OGG1: variants seen among roughly 807,000 people sequenced by gnomAD.
OGG1 encodes N-glycosylase/DNA lyase.
A neutral mutation model predicts 42.3 loss-of-function variants in OGG1; 35 were observed. That is an observed-to-expected ratio of 0.83 (90% CI 0.63 to 1.10). The LOEUF (loss-of-function observed/expected upper bound fraction) is 1.10, where lower values mean the gene tolerates loss of function less well. Among genes scored for constraint, OGG1 ranks in the 50% least tolerant of loss-of-function variants. The probability of loss-of-function intolerance (pLI) is 0.00; values close to 1 mark genes in which losing one functional copy is unlikely to be tolerated. For synonymous variants in OGG1, 189 were observed against 179.0 expected, an observed-to-expected ratio of 1.06 and a Z score of -0.44; for missense variants, 484 against 446.7, an observed-to-expected ratio of 1.08 and a Z score of -0.75.
chr3:9,786,678 T>C (rs1559718773), intron 3 of OGG1, among the ~76,000 whole-genome samples: 1 of 152,032 alleles, frequency 6.6e-6, no homozygotes, highest in Non-Finnish European at 1.5e-5. Flanking sequence ...AATTGTGGAG[T>C]AAGGCTACCT....
chr3:9,751,280 T>A (rs1156928219), intron 2 of OGG1, 88 bp downstream of exon 2: 1 of 1,347,236 alleles, frequency 7.4e-7, no homozygotes, highest in Non-Finnish European at 1.0e-6. Context: ...AAATGGGGAT[T>A]ATATCTACTT....
intron 2 of OGG1, among the ~76,000 whole-genome samples, chr3:9,780,994 T>C (rs772008105): frequency 6.6e-6 from 1 of 152,072 alleles, no homozygotes; most frequent in Non-Finnish European, 1.5e-5. Flanking sequence ...AAAAATTAGC[T>C]GGGTGTGGTA....
chr3:9,775,875 G>A (rs1201392458), intron 2 of OGG1, among the ~76,000 whole-genome samples: 1 of 152,100 alleles, frequency 6.6e-6, no homozygotes, highest in Non-Finnish European at 1.5e-5. Context: ...CCTGACCTCA[G>A]ATGATCCGCC....
chr3:9,750,517 A>T (rs1449109012), intron 1 of OGG1, 94 bp downstream of exon 1: 10 of 1,560,490 alleles, frequency 6.4e-6, no homozygotes, highest in Non-Finnish European at 7.8e-6. Context: ...TTGGGGGATG[A>T]TGGAAGAAAC....
exon 4 of OGG1, chr3:9,788,006 G>A (rs1421885602): frequency 4.3e-5 from 13 of 302,218 alleles, no homozygotes; most frequent in South Asian, 3.7e-4. Context: ...CAATGAAGAG[G>A]GATATGGCCG....
At position 9,787,630 on chromosome 3, in the gene OGG1, G is replaced by T. The variant is rs1384585448; in HGVS notation, c.383-98G>T. 3 of 1,293,898 alleles carry T rather than the reference G, an allele frequency of 2.3e-6. No homozygotes were observed. The African/African-American group carries it at 4.4e-5, about 19-fold the overall frequency. 80.2% of individuals were successfully genotyped at this position (1,293,898 alleles called of 1,614,324 possible). On this transcript the variant is annotated intron_variant, in intron 3 of 3. Coordinates refer to the OGG1 transcript ENST00000426518. ...CAGATTGTCTCAGGTCACAGCAATT[G>T]CCTCTCGAGAGAATTAGGAGCCTTC...
intron 3 of OGG1, chr3:9,785,376 C>G: frequency 1.2e-6 from 2 of 1,613,990 alleles, no homozygotes; most frequent in Non-Finnish European, 1.7e-6. Context: ...TGATTCTTTC[C>G]CAGACATGTC....
chr3:9,764,464 C>T (rs1301171945), intron 7 of OGG1, among the ~76,000 whole-genome samples: 2 of 152,082 alleles, frequency 1.3e-5, no homozygotes, highest in Non-Finnish European at 2.9e-5. Context: ...AGGCATGCGC[C>T]ACCATGTCCA....
At chr3:9,762,017 A>G (rs1216277149), downstream of OGG1, 4 of 389,940 alleles carry the variant, frequency 1.0e-5, no homozygotes, top group East Asian at 5.2e-5. Context: ...TTGAATGCCT[A>G]TTTTATGCCA....
intron 2 of OGG1, among the ~76,000 whole-genome samples, chr3:9,772,334 A>G (rs1216265918): frequency 2.0e-5 from 3 of 152,364 alleles, no homozygotes; most frequent in South Asian, 4.1e-4. Context: ...AAGTGACAGA[A>G]TGCCAACCTA....
Position 9,757,349 on chromosome 3 carries a change from G to C in OGG1, c.*199G>C. ...ATTGAGGGAGACAGCGCTAAGGATG[G>C]TTTTATCTTCCCTTTATTACAAGAA... On this transcript the variant is annotated 3_prime_UTR_variant, in exon 7 of 7. Coordinates refer to ENST00000344629, the MANE Select transcript of OGG1 (RefSeq NM_002542.6). This position sits in a 1 kb window ranked among gnomAD's most constrained non-coding sequence, Gnocchi z 4.5. 6.2e-7 allele frequency: 1 copy of C among 1,614,092 alleles called. No homozygotes were observed. Among genetic ancestry groups the C allele is most frequent in the Non-Finnish European group, 8.5e-7 (1 of 1,180,002 alleles).
intron 7 of OGG1, chr3:9,762,779 G>A: frequency 2.5e-6 from 2 of 811,850 alleles, no homozygotes; most frequent in South Asian, 1.7e-5. Context: ...CAGTTTAAAG[G>A]TTACAAGATC....
At chr3:9,771,522 T>A (rs1214130063), downstream of OGG1, among the ~76,000 whole-genome samples, 1 of 152,194 alleles carries the variant, frequency 6.6e-6, no homozygotes, top group Admixed American at 6.5e-5. Flanking sequence ...AGAACACTAT[T>A]CAAAACATGA....
downstream of OGG1, among the ~76,000 whole-genome samples, chr3:9,788,760 G>T (rs1262124097): frequency 1.3e-5 from 2 of 151,258 alleles, no homozygotes; most frequent in African/African-American, 4.9e-5. Flanking sequence ...GGCTGGTCTT[G>T]AACTCCTGAC....
Position 9,750,000 on chromosome 3 carries a change from C to G in OGG1, c.-287C>G. On this transcript the variant is annotated 5_prime_UTR_variant, in exon 1 of 7. Coordinates refer to ENST00000344629, the MANE Select transcript of OGG1 (RefSeq NM_002542.6). ...GAGAACCCAGAAGAACACAGCTGTG[C>G]GCGCCCACAGGCTCTGGGGGCGGGA... The G allele has an allele frequency of 2.1e-6, 1 of 485,262 alleles. No homozygotes were observed. The highest frequency in any genetic ancestry group is 3.7e-6 in the Non-Finnish European group (1 of 268,606). 30.1% of individuals were successfully genotyped at this position (485,262 alleles called of 1,614,324 possible). A position where few individuals can be genotyped will look rare whatever the true frequency, so the allele number is the denominator to read the frequency against.
At chr3:9,783,873 G>A (rs866200140) in intron 3 of OGG1, 127 of 1,319,526 alleles carry the variant, frequency 9.6e-5, no homozygotes, top group Admixed American at 9.1e-4. Context: ...GGACATACCC[G>A]GTGGACTGGC....
downstream of OGG1, among the ~76,000 whole-genome samples, chr3:9,790,186 G>C (rs2078700050): frequency 6.6e-6 from 1 of 151,986 alleles, no homozygotes; most frequent in Non-Finnish European, 1.5e-5. Context: ...TCATTCACTT[G>C]TTCATCTATA....
intron 2 of OGG1, chr3:9,780,542 T>C (rs2078434645): frequency 1.9e-6 from 3 of 1,601,828 alleles, no homozygotes; most frequent in Non-Finnish European, 2.5e-6. Context: ...ACCTCCTCCT[T>C]TGCCAGCCTG....
At chr3:9,763,419 A>C (rs949480426) in intron 7 of OGG1, among the ~76,000 whole-genome samples, 20 of 151,524 alleles carry the variant, frequency 1.3e-4, no homozygotes, top group African/African-American at 2.9e-4. Flanking sequence ...AAAAAAAAAA[A>C]AAACAGCGGT....
Sources: allele counts gnomAD v4.1 joint callset (sites outside exome capture counted in the v4.1 genomes callset), GRCh38; gene constraint gnomAD v4.1.1; non-coding constraint Gnocchi (gnomAD v3.1); transcripts MANE v1.5; gene names NCBI Gene and HGNC (gene_info 2026-07-23, HGNC 2026-07-21).